TTC28: variants seen among roughly 807,000 people sequenced by gnomAD.
The protein encoded by TTC28 is tetratricopeptide repeat protein 28.
In TTC28, 61 loss-of-function variants were observed where a neutral mutation model predicts 198.0. That is an observed-to-expected ratio of 0.31 (90% confidence interval 0.25 to 0.38). The LOEUF (loss-of-function observed/expected upper bound fraction) is 0.38. Among genes scored for constraint, TTC28 ranks in the 10% least tolerant of loss-of-function variants. The pLI, the probability that TTC28 is intolerant of heterozygous loss-of-function variation, is 1.00. For missense variants in TTC28, 2,678 were observed against 3,164.0 expected, an observed-to-expected ratio of 0.85 and a Z score of 3.69; for synonymous variants, 1,171 against 1,297.8, an observed-to-expected ratio of 0.90 and a Z score of 2.10.
chr22:28,356,763 G>A (rs1048916232), intron 2 of TTC28, among the ~76,000 whole-genome samples: 12 of 152,212 alleles, frequency 7.9e-5, no homozygotes, highest in Non-Finnish European at 8.8e-5. Context: ...CCTGTTGCAA[G>A]TAAGTAGGGA....
chr22:28,537,759 G>T (rs2049327434), intron 2 of TTC28, among the ~76,000 whole-genome samples: 1 of 152,180 alleles, frequency 6.6e-6, no homozygotes, highest in Admixed American at 6.5e-5. Flanking sequence ...ACAAAGAACT[G>T]TTAAACTACA....
chr22:28,380,055 G>A (rs1042846487), intron 2 of TTC28, among the ~76,000 whole-genome samples: 5 of 151,206 alleles, frequency 3.3e-5, no homozygotes, highest in Admixed American at 6.6e-5. Flanking sequence ...TCTTCAAAAC[G>A]TTAACATTAA....
chr22:28,636,517 A>G (rs2051274828), intron 1 of TTC28, among the ~76,000 whole-genome samples: 1 of 152,166 alleles, frequency 6.6e-6, no homozygotes, highest in Non-Finnish European at 1.5e-5. Context: ...CATTGTGAAT[A>G]ATGCTGTATA....
intron 2 of TTC28, among the ~76,000 whole-genome samples, chr22:28,456,779 T>G (rs1339555017): frequency 6.6e-6 from 1 of 152,204 alleles, no homozygotes; most frequent in Non-Finnish European, 1.5e-5. Context: ...TTTCACGATG[T>G]TGGCCAGGAT....
At chr22:28,473,894 A>C (rs1243345434) in intron 2 of TTC28, among the ~76,000 whole-genome samples, 1 of 152,214 alleles carries the variant, frequency 6.6e-6, no homozygotes, top group Non-Finnish European at 1.5e-5. Flanking sequence ...CAAAGAGAGA[A>C]GCCTCAAAAG....
chr22:28,239,480 G>C (rs1211858151), intron 5 of TTC28, among the ~76,000 whole-genome samples: 1 of 152,130 alleles, frequency 6.6e-6, no homozygotes, highest in East Asian at 1.9e-4. Context: ...AAAATATATA[G>C]AGAAGCAAGC....
chr22:27,993,333 C>A lies in TTC28; in HGVS notation c.5430G>T (p.Pro1810=). 6.5e-7 allele frequency: 1 copy of A among 1,549,594 alleles called. No individual in the cohort carries two copies. Among genetic ancestry groups the A allele is most frequent in the South Asian group, 1.2e-5 (1 of 83,900 alleles). Reference sequence around the variant, plus strand: ...TGCTGCACTGCTGGAGCCGGTCGCCCGGGTCGGAGGTTGGGAAGAAGACAG... The same window carrying A: ...TGCTGCACTGCTGGAGCCGGTCGCCAGGGTCGGAGGTTGGGAAGAAGACAG... The part of the protein sequence containing the change: ...PAAVFFPTSD[P]GDRLQQCSST... The change falls in exon 18 of 23, where the codon CCG becomes CCT. Residue 1810 remains proline, a synonymous_variant. Transcript: ENST00000397906.
chr22:28,567,649 CA>C (rs1331814782), intron 2 of TTC28, among the ~76,000 whole-genome samples: 9 of 151,240 alleles, frequency 6.0e-5, no homozygotes, highest in Admixed American at 1.3e-4. Context: ...AAGAATTAGG[CA>C]GAAGAAAAAG....
intron 2 of TTC28, among the ~76,000 whole-genome samples, chr22:28,583,342 T>C (rs2050259129): frequency 6.6e-6 from 1 of 152,236 alleles, no homozygotes; most frequent in South Asian, 2.1e-4. Context: ...TGTACAATAT[T>C]GCTTTAAATA....
chr22:28,472,042 C>T (rs931184490), intron 2 of TTC28, among the ~76,000 whole-genome samples: 7 of 152,146 alleles, frequency 4.6e-5, no homozygotes, highest in African/African-American at 1.4e-4. Context: ...TATCACAAAC[C>T]TTTCTTCAAA....
At chr22:28,197,260 G>A (rs1473668213) in intron 5 of TTC28, among the ~76,000 whole-genome samples, 22 of 136,214 alleles carry the variant, frequency 1.6e-4, no homozygotes, top group Non-Finnish European at 2.8e-4. Flanking sequence ...ATCACACACC[G>A]GGGACTGTTG....
At chr22:28,013,754 C>T (rs1938247284) in intron 14 of TTC28, among the ~76,000 whole-genome samples, 1 of 151,968 alleles carries the variant, frequency 6.6e-6, no homozygotes, top group African/African-American at 2.4e-5. Context: ...GCCACATCCC[C>T]GAGGCGTCTG....
intron 12 of TTC28, among the ~76,000 whole-genome samples, chr22:28,074,071 C>T (rs1230065342): frequency 6.6e-6 from 1 of 152,126 alleles, no homozygotes; most frequent in African/African-American, 2.4e-5. Context: ...CACAAAAGTA[C>T]AAGCAAGATG....
chr22:28,596,432 A>C (rs2050545036), intron 2 of TTC28, among the ~76,000 whole-genome samples: 1 of 152,196 alleles, frequency 6.6e-6, no homozygotes, highest in African/African-American at 2.4e-5. Context: ...GAAGTTATTT[A>C]AGGCTCCATA....
chr22:28,542,066 G>C (rs746885277), intron 2 of TTC28, among the ~76,000 whole-genome samples: 20 of 151,930 alleles, frequency 1.3e-4, no homozygotes, highest in Non-Finnish European at 2.6e-4. Flanking sequence ...TCCAGCCTGG[G>C]TAACAGAACA....
intron 5 of TTC28, among the ~76,000 whole-genome samples, chr22:28,175,155 G>T (rs1442962609): frequency 6.6e-6 from 1 of 151,996 alleles, no homozygotes; most frequent in African/African-American, 2.4e-5. Context: ...CTGAAACTAT[G>T]ACACTGCTAG....
At chr22:28,100,479 T>C (rs1307808257) in intron 9 of TTC28, among the ~76,000 whole-genome samples, 1 of 152,246 alleles carries the variant, frequency 6.6e-6, no homozygotes, top group African/African-American at 2.4e-5. Flanking sequence ...ACATTGTCTT[T>C]AATCATTTTA....
At chr22:28,571,722 G>T (rs1053832172) in intron 2 of TTC28, among the ~76,000 whole-genome samples, 5 of 151,204 alleles carry the variant, frequency 3.3e-5, no homozygotes, top group East Asian at 2.0e-4. Flanking sequence ...CCAAGGGCAG[G>T]TGAATCACCT....
intron 12 of TTC28, among the ~76,000 whole-genome samples, chr22:28,092,466 G>A (rs1179571136): frequency 6.6e-6 from 1 of 152,182 alleles, no homozygotes; most frequent in Non-Finnish European, 1.5e-5. Flanking sequence ...TTTTCAGTGG[G>A]ACCTTGTGTC....
Sources: allele counts gnomAD v4.1 joint callset (sites outside exome capture counted in the v4.1 genomes callset), GRCh38; gene constraint gnomAD v4.1.1; transcripts MANE v1.5; gene names NCBI Gene and HGNC (gene_info 2026-07-23, HGNC 2026-07-21).